The following COMMD10 variants were observed in gnomAD, a reference collection of about 807,000 sequenced individuals.
The protein encoded by COMMD10 is COMM domain-containing protein 10.
Under a neutral mutation model 28.9 loss-of-function variants are expected in COMMD10, and 33 were observed. The observed-to-expected ratio is 1.14, with a 90% CI of 0.87 to 1.53. COMMD10 has a LOEUF of 1.53. Among genes scored for constraint, COMMD10 ranks in the 40% most tolerant of loss-of-function variants. The probability of loss-of-function intolerance (pLI) is 0.00; values close to 1 mark genes in which losing one functional copy is unlikely to be tolerated. For synonymous variants in COMMD10, 110 were observed against 81.7 expected, an observed-to-expected ratio of 1.35 and a Z score of -1.87; for missense variants, 310 against 233.4, an observed-to-expected ratio of 1.33 and a Z score of -2.14.
intron 5 of COMMD10, among the ~76,000 whole-genome samples, chr5:116,151,694 G>A (rs187778760): frequency 0.011 from 1,745 of 152,120 alleles, 13 homozygotes; most frequent in Non-Finnish European, 0.019. Context: ...CTGTGGGATC[G>A]GTGGTGATAT....
intron 5 of COMMD10, among the ~76,000 whole-genome samples, chr5:116,287,322 T>C (rs949652135): frequency 1.3e-5 from 2 of 151,776 alleles, no homozygotes; most frequent in Non-Finnish European, 2.9e-5. Flanking sequence ...TTTGTCATTA[T>C]ATAATGTCTT....
At chr5:116,171,658 G>A (rs1471753780) in intron 5 of COMMD10, among the ~76,000 whole-genome samples, 1 of 152,090 alleles carries the variant, frequency 6.6e-6, no homozygotes, top group Non-Finnish European at 1.5e-5. Context: ...ATAAAAAAGG[G>A]TGAGTTTATG....
chr5:116,086,015 A>G (rs1407715752), intron 1 of COMMD10, among the ~76,000 whole-genome samples: 4 of 152,188 alleles, frequency 2.6e-5, no homozygotes, highest in Non-Finnish European at 5.9e-5. Flanking sequence ...AAATGAAACT[A>G]CCCTCCACAG....
chr5:116,190,620 T>C (rs1272976269), intron 5 of COMMD10, among the ~76,000 whole-genome samples: 4 of 152,234 alleles, frequency 2.6e-5, no homozygotes, highest in African/African-American at 9.6e-5. Flanking sequence ...ATATAAATGC[T>C]AAATCATCTT....
At chr5:116,228,180 G>A (rs984252241) in intron 5 of COMMD10, among the ~76,000 whole-genome samples, 1 of 151,858 alleles carries the variant, frequency 6.6e-6, no homozygotes, top group African/African-American at 2.4e-5. Context: ...ACAGGTAAGA[G>A]TTTTAAGCCA....
At chr5:116,091,693 T>C (rs370208030) in intron 3 of COMMD10, among the ~76,000 whole-genome samples, 6 of 152,168 alleles carry the variant, frequency 3.9e-5, no homozygotes, top group African/African-American at 1.2e-4. Flanking sequence ...GTAGAGCACA[T>C]TGTTAGTCTT....
At chr5:116,222,635 C>T (rs1749292083) in intron 5 of COMMD10, among the ~76,000 whole-genome samples, 1 of 152,088 alleles carries the variant, frequency 6.6e-6, no homozygotes, top group African/African-American at 2.4e-5. Context: ...TCATTTTGGC[C>T]TTTTGTTCAC....
intron 5 of COMMD10, among the ~76,000 whole-genome samples, chr5:116,207,924 G>T (rs1037029822): frequency 6.6e-6 from 1 of 152,138 alleles, no homozygotes; most frequent in Non-Finnish European, 1.5e-5. Flanking sequence ...AGGACATTGT[G>T]TTAATCTCTG....
At chr5:116,086,634 A>G (rs1332724935) in intron 1 of COMMD10, among the ~76,000 whole-genome samples, 2 of 152,016 alleles carry the variant, frequency 1.3e-5, no homozygotes, top group East Asian at 3.9e-4. Flanking sequence ...AATTTTTTGT[A>G]TTTTTAGTAA....
chr5:116,164,324 A>AC (rs1291559572), intron 5 of COMMD10, among the ~76,000 whole-genome samples: 4 of 149,532 alleles, frequency 2.7e-5, no homozygotes, highest in Admixed American at 6.7e-5. Context: ...CGGTCTCAAA[A>AC]AAAATAAAAA....
chr5:116,159,903 TA>T (rs1171584134), intron 5 of COMMD10, among the ~76,000 whole-genome samples: 1 of 152,260 alleles, frequency 6.6e-6, no homozygotes, highest in Middle Eastern at 3.4e-3. Flanking sequence ...CCTAGTGGCT[TA>T]AAAAAATAGT....
intron 4 of COMMD10, among the ~76,000 whole-genome samples, chr5:116,127,319 C>G (rs542582872): frequency 1.3e-5 from 2 of 152,146 alleles, no homozygotes; most frequent in South Asian, 4.1e-4. Flanking sequence ...TGCTTTTACA[C>G]CTTTGGTGGG....
chr5:116,193,620 G>A (rs1748430964), intron 5 of COMMD10, among the ~76,000 whole-genome samples: 1 of 152,166 alleles, frequency 6.6e-6, no homozygotes, highest in African/African-American at 2.4e-5. Flanking sequence ...ACAGGAAAAT[G>A]TCACAATCCT....
At chr5:116,252,365 G>A (rs1170408352) in intron 5 of COMMD10, among the ~76,000 whole-genome samples, 2 of 141,700 alleles carry the variant, frequency 1.4e-5, no homozygotes, top group Admixed American at 7.2e-5. Flanking sequence ...TAGACATGAA[G>A]TCCTTGCCTG....
intron 5 of COMMD10, among the ~76,000 whole-genome samples, chr5:116,284,503 A>G (rs1235565594): frequency 1.3e-5 from 2 of 152,016 alleles, no homozygotes; most frequent in East Asian, 1.9e-4. Flanking sequence ...ATGACATAAT[A>G]TGCTACATTT....
chr5:116,210,170 C>T (rs983701086), intron 5 of COMMD10, among the ~76,000 whole-genome samples: 1 of 152,132 alleles, frequency 6.6e-6, no homozygotes, highest in Non-Finnish European at 1.5e-5. Flanking sequence ...GGGTGGTATC[C>T]ACCTGACCTA....
At chr5:116,198,408 T>C (rs895355877) in intron 5 of COMMD10, among the ~76,000 whole-genome samples, 1 of 152,178 alleles carries the variant, frequency 6.6e-6, no homozygotes, top group African/African-American at 2.4e-5. Context: ...GTAAAACTGA[T>C]AGGAAGGTAT....
chr5:116,182,177 CA>C (rs1308720515), intron 5 of COMMD10, among the ~76,000 whole-genome samples: 6 of 151,980 alleles, frequency 3.9e-5, no homozygotes, highest in African/African-American at 1.4e-4. Context: ...GCGCATTATT[CA>C]AGCAGACAAT....
intron 5 of COMMD10, among the ~76,000 whole-genome samples, chr5:116,286,078 A>G (rs1241774906): frequency 6.6e-6 from 1 of 151,666 alleles, no homozygotes; most frequent in African/African-American, 2.4e-5. Flanking sequence ...TTTATTCATG[A>G]TTTAGTCTTA....
Sources: gnomAD v4.1 joint callset for allele counts (sites outside exome capture counted in the v4.1 genomes callset) on GRCh38, gnomAD v4.1.1 for gene constraint, MANE v1.5 for transcripts, NCBI Gene and HGNC (gene_info 2026-07-23, HGNC 2026-07-21) for gene names.